FCF1: variants seen among roughly 807,000 people sequenced by gnomAD.
FCF1 encodes FCF1 rRNA-processing protein.
A neutral mutation model predicts 32.5 loss-of-function variants in FCF1; 17 were observed. That is an observed-to-expected ratio of 0.52 (90% CI 0.36 to 0.78). The LOEUF is 0.78. Among genes scored for constraint, FCF1 ranks in the 30% least tolerant of loss-of-function variants. The pLI is 0.00. For missense variants in FCF1, 201 were observed against 241.1 expected (o/e 0.83, Z 1.10); for synonymous variants, 84 against 78.4 (o/e 1.07, Z -0.38).
intron 7 of FCF1, among the ~76,000 whole-genome samples, 171 bp downstream of exon 7, chr14:74,734,341 T>C (rs972686771): frequency 5.3e-5 from 8 of 150,304 alleles, no homozygotes; most frequent in Admixed American, 4.6e-4. Context: ...AAGAGAGAGA[T>C]AGGATTTAAG....
chr14:74,734,403 C>T (rs950132269), intron 7 of FCF1, among the ~76,000 whole-genome samples: 10 of 151,644 alleles, frequency 6.6e-5, no homozygotes, highest in Non-Finnish European at 1.3e-4. Flanking sequence ...AAGAAATAGA[C>T]GTATTGTTTT....
At chr14:74,718,960 T>C (rs1477333771) in intron 4 of FCF1, among the ~76,000 whole-genome samples, 1 of 151,508 alleles carries the variant, frequency 6.6e-6, no homozygotes, top group Non-Finnish European at 1.5e-5. Flanking sequence ...TGAAACCCCA[T>C]CTCTACTAAA....
intron 5 of FCF1, among the ~76,000 whole-genome samples, chr14:74,731,098 G>A (rs2090630846): frequency 1.3e-5 from 2 of 151,982 alleles, no homozygotes; most frequent in South Asian, 4.1e-4. Context: ...GCCTCCTAAA[G>A]TGCTGGGATT....
At chr14:74,715,346 TTAAG>T (rs1304761239) in intron 3 of FCF1, among the ~76,000 whole-genome samples, 1 of 152,200 alleles carries the variant, frequency 6.6e-6, no homozygotes, top group Non-Finnish European at 1.5e-5. Flanking sequence ...TTCATTCCTT[TTAAG>T]TAAGTACATT....
rs1256157931 is a variant in FCF1, at chr14:74,713,622, TTTG to T, written c.71+76_71+78del. The T allele has an allele frequency of 4.3e-6, 6 of 1,379,610 alleles. No homozygotes were observed. The Admixed American group carries it at 8.1e-5, about 19-fold the overall frequency. The allele number at this position is 1,379,610 out of a possible 1,614,324, so 85.5% of individuals were successfully genotyped here. Reference sequence around the variant, plus strand: ...CTAGAGAGGATAAGTAGTAAAAATGTTTGTTGTTATTATTTTGTTTTTTGCTTA... The same window carrying T: ...CTAGAGAGGATAAGTAGTAAAAATGTTTGTTATTATTTTGTTTTTTGCTTA... On this transcript the variant is annotated intron_variant, in intron 2 of 7. Transcript: ENST00000341162.
rs1209611622 is a variant in FCF1 at position 74,737,095 on chromosome 14, G to A, written c.*2165G>A. On this transcript the variant is annotated 3_prime_UTR_variant, in exon 8 of 8. Transcript: ENST00000341162. ...CACCATAGAAAATCCATTAACCTAT[G>A]TATAATCCCAGCACTTTGGGAGACT... 1 of 152,148 alleles carries A rather than the reference G, an allele frequency of 6.6e-6. No homozygotes were observed. The highest frequency in any genetic ancestry group is 1.5e-5 in the Non-Finnish European group (1 of 68,048). 9.4% of individuals were successfully genotyped at this position (152,148 alleles called of 1,614,324 possible).
intron 4 of FCF1, among the ~76,000 whole-genome samples, chr14:74,720,193 T>C (rs1693936100): frequency 6.6e-6 from 1 of 152,248 alleles, no homozygotes; most frequent in Admixed American, 6.5e-5. Flanking sequence ...TACTGAAATA[T>C]AATTGACTCC....
rs1422507845 is a variant in FCF1 at position 74,735,985 on chromosome 14, T to G, written c.*1055T>G. ...GGCGCAATCTCGGCTCATTGCAACCTCCGCCTCCCAGGTTCAAGCGATTCT... is the reference window on the plus strand; with the variant it reads ...GGCGCAATCTCGGCTCATTGCAACCGCCGCCTCCCAGGTTCAAGCGATTCT... On this transcript the variant is annotated 3_prime_UTR_variant, in exon 8 of 8. Coordinates refer to ENST00000341162, the MANE Select transcript of FCF1 (RefSeq NM_015962.5). The G allele has an allele frequency of 6.6e-6, 1 of 152,538 alleles. No homozygotes were observed. The highest frequency in any genetic ancestry group is 2.0e-4 in the East Asian group (1 of 5,126). 9.4% of individuals were successfully genotyped at this position (152,538 alleles called of 1,614,324 possible). A position where few individuals can be genotyped will look rare whatever the true frequency, so the allele number is the denominator to read the frequency against.
At chr14:74,725,480 CAAAAAAAAAAAAAA>C (rs35508938) in intron 5 of FCF1, among the ~76,000 whole-genome samples, 7 of 40,002 alleles carry the variant, frequency 1.7e-4, no homozygotes, top group East Asian at 1.8e-3. Flanking sequence ...ACCCTGTCTC[CAAAAAAAAAAAAAA>C]AAAAAAAAAA....
chr14:74,714,011 T>C (rs1009945117), intron 2 of FCF1, among the ~76,000 whole-genome samples: 2 of 152,248 alleles, frequency 1.3e-5, no homozygotes, highest in African/African-American at 4.8e-5. Context: ...ATCTCCATTT[T>C]ATAAGTCTTA....
intron 5 of FCF1, among the ~76,000 whole-genome samples, chr14:74,726,843 G>C (rs2090583955): frequency 1.3e-5 from 2 of 151,434 alleles, no homozygotes; most frequent in South Asian, 4.2e-4. Context: ...ACCTATGAGT[G>C]AGAATATGCG....
rs1156570878 is a variant in FCF1 at position 74,714,919 on chromosome 14, C to T, written c.119C>T (p.Pro40Leu). 1 of 1,597,544 alleles carries T rather than the reference C, an allele frequency of 6.3e-7. No individual in the cohort carries two copies. The highest frequency in any genetic ancestry group is 8.5e-7 in the Non-Finnish European group (1 of 1,174,528). ...LKPKKKEKKD[P>L]SALKEREVPQ... ...CCTAAAAAGAAAGAAAAGAAGGATCCCAGCGCATTAAAGGAAAGAGAAGTG... is the reference window on the plus strand; with the variant it reads ...CCTAAAAAGAAAGAAAAGAAGGATCTCAGCGCATTAAAGGAAAGAGAAGTG... Residue 40 changes from proline (P) to leucine (L), a missense_variant, in exon 3 of 8, where the codon CCC (proline) becomes CTC (leucine). Physicochemically the swap from Pro to Leu is moderately conservative, Grantham distance 98. Coordinates refer to ENST00000341162, the MANE Select transcript of FCF1 (RefSeq NM_015962.5).
chr14:74,713,182 G>A lies in FCF1; in HGVS notation c.-16G>A. 2.5e-6 allele frequency: 4 copies of A among 1,614,230 alleles called. No homozygotes were observed. Among genetic ancestry groups the A allele is most frequent in the Non-Finnish European group, 2.5e-6 (3 of 1,180,044 alleles). On this transcript the variant is annotated 5_prime_UTR_variant, in exon 1 of 8. Coordinates refer to ENST00000341162, the MANE Select transcript of FCF1 (RefSeq NM_015962.5). ...GCCGTTGGTGATTACGGAAGAACCA[G>A]GAGTTTGGCGTGACCATGGTGAGAG... is the stretch of plus-strand genomic sequence containing the variant.
At chr14:74,717,055 G>T (rs1345524017) in intron 4 of FCF1, among the ~76,000 whole-genome samples, 1 of 152,002 alleles carries the variant, frequency 6.6e-6, no homozygotes, top group Non-Finnish European at 1.5e-5. Context: ...GCAGCCGGGC[G>T]CAGTGGCTCA....
chr14:74,722,381 C>T (rs910994304), intron 4 of FCF1, among the ~76,000 whole-genome samples: 1 of 152,074 alleles, frequency 6.6e-6, no homozygotes, highest in Non-Finnish European at 1.5e-5. Flanking sequence ...TAATCTTTGC[C>T]ACTCTTCTAG....
At chr14:74,722,997 C>G (rs1056539910) in intron 4 of FCF1, among the ~76,000 whole-genome samples, 1 of 152,034 alleles carries the variant, frequency 6.6e-6, no homozygotes, top group Admixed American at 6.6e-5. Flanking sequence ...TTTTTCCCAT[C>G]AGGAACTTAC....
At chr14:74,723,230 G>A (rs375092386) in intron 4 of FCF1, 42 bp from the exon 5 acceptor site, 15 of 1,431,212 alleles carry the variant, frequency 1.0e-5, no homozygotes, top group East Asian at 4.6e-5. Flanking sequence ...AGATAATTTC[G>A]TTACAAGTTC....
intron 5 of FCF1, 111 bp downstream of exon 5, chr14:74,723,455 T>C: frequency 3.9e-6 from 3 of 776,114 alleles, no homozygotes; most frequent in Non-Finnish European, 6.1e-6. Context: ...CAAAACTATT[T>C]ATCATTTTTG....
intron 4 of FCF1, 86 bp from the exon 5 acceptor site, chr14:74,723,186 T>G (rs1337448422): frequency 2.1e-6 from 2 of 941,290 alleles, no homozygotes; most frequent in Non-Finnish European, 3.5e-6. Context: ...GTGTCCTGGG[T>G]CTTTTTAAAA....
Sources: gnomAD v4.1 joint callset for allele counts (sites outside exome capture counted in the v4.1 genomes callset) on GRCh38, gnomAD v4.1.1 for gene constraint, MANE v1.5 for transcripts, NCBI Gene and HGNC (gene_info 2026-07-23, HGNC 2026-07-21) for gene names.